Variants in FMN2 observed in about 807,000 individuals in gnomAD.
FMN2 encodes formin-2.
In FMN2, 51 loss-of-function variants were observed where a neutral mutation model predicts 142.3. The ratio of observed to expected loss-of-function variants is 0.36; its 90% CI spans 0.29 to 0.45. The LOEUF is 0.45. Ranked by LOEUF, FMN2 falls within the 20% of genes least tolerant of loss-of-function variation. The probability of loss-of-function intolerance (pLI) is 1.00; values close to 1 mark genes in which losing one functional copy is unlikely to be tolerated. For synonymous variants in FMN2, 882 were observed against 869.8 expected (o/e 1.01, Z -0.25); for missense variants, 1,936 against 2,122.8 (o/e 0.91, Z 1.73).
At chr1:240,107,103 G>A (rs1661643971) in intron 1 of FMN2, among the ~76,000 whole-genome samples, 1 of 151,830 alleles carries the variant, frequency 6.6e-6, no homozygotes, top group African/African-American at 2.4e-5. Flanking sequence ...TGTTCAGGAT[G>A]AAGGAGCTAG....
At chr1:240,255,106 C>A (rs1010794183) in intron 6 of FMN2, among the ~76,000 whole-genome samples, 1 of 152,134 alleles carries the variant, frequency 6.6e-6, no homozygotes, top group Non-Finnish European at 1.5e-5. Flanking sequence ...CTTAACTTTA[C>A]CACATGAGGG....
chr1:240,388,874 A>AG (rs1468401500), intron 14 of FMN2, among the ~76,000 whole-genome samples: 2 of 148,688 alleles, frequency 1.3e-5, no homozygotes, highest in African/African-American at 5.1e-5. Context: ...AAAAAAAAAA[A>AG]AAAGGGGGGG....
At chr1:240,271,714 G>A (rs1263524969) in intron 7 of FMN2, among the ~76,000 whole-genome samples, 1 of 152,020 alleles carries the variant, frequency 6.6e-6, no homozygotes, top group Non-Finnish European at 1.5e-5. Context: ...GTGGAGAAAA[G>A]TACATGTGAG....
chr1:240,206,749 C>T (rs368085142), intron 4 of FMN2, 50 bp from the exon 5 acceptor site: 15 of 1,549,844 alleles, frequency 9.7e-6, no homozygotes, highest in Admixed American at 2.0e-5. Context: ...TTGCTATTTG[C>T]ATTTTTCCTT....
At chr1:240,137,353 A>T (rs1202344792) in intron 2 of FMN2, among the ~76,000 whole-genome samples, 1 of 152,144 alleles carries the variant, frequency 6.6e-6, no homozygotes, top group East Asian at 1.9e-4. Flanking sequence ...TGCCTGTCAC[A>T]ACTACTCAAG....
At chr1:240,245,907 A>G (rs7550411) in intron 6 of FMN2, among the ~76,000 whole-genome samples, 108,754 of 151,752 alleles carry the variant, frequency 0.72, 39,988 homozygotes, top group African/African-American at 0.88. Flanking sequence ...CCAGCCAGGC[A>G]CAGTGGCTTA....
chr1:240,118,507 T>G (rs1300902280), intron 1 of FMN2, among the ~76,000 whole-genome samples: 1 of 152,166 alleles, frequency 6.6e-6, no homozygotes, highest in Non-Finnish European at 1.5e-5. Context: ...CCCCCCTTCC[T>G]CGTTGTTGCT....
At chr1:240,217,979 A>G (rs1666966637) in intron 6 of FMN2, among the ~76,000 whole-genome samples, 1 of 152,132 alleles carries the variant, frequency 6.6e-6, no homozygotes, top group South Asian at 2.1e-4. Context: ...TTTTATATTT[A>G]TATACCACGG....
chr1:240,366,939 G>A (rs1162639740), intron 14 of FMN2, among the ~76,000 whole-genome samples: 1 of 152,110 alleles, frequency 6.6e-6, no homozygotes, highest in African/African-American at 2.4e-5. Flanking sequence ...CCCTTTTTGT[G>A]TTGCAAACCT....
chr1:240,453,803 C>T lies in FMN2; in HGVS notation c.5060+15593C>T, dbSNP rs1384660259. 1.7e-4 allele frequency among the ~76,000 whole-genome samples: 3 copies of T among 18,010 alleles called. 1 individual carries two copies. The highest frequency in any genetic ancestry group is 4.5e-4 in the African/African-American group (3 of 6,738). 11.8% of individuals were successfully genotyped at this position (18,010 alleles called of 152,430 possible). A position where few individuals can be genotyped will look rare whatever the true frequency, so the allele number is the denominator to read the frequency against. On this transcript the variant is annotated intron_variant, in intron 16 of 17. Coordinates refer to ENST00000319653, the MANE Select transcript of FMN2 (RefSeq NM_020066.5). ...AGGAGATCGAGACCATCCTGGCTAA[C>T]AAGGTGAAACCCCGTCTCTACTAAA... is the stretch of plus-strand genomic sequence containing the variant.
chr1:240,265,553 C>T (rs1268637701), intron 7 of FMN2, among the ~76,000 whole-genome samples: 4 of 152,110 alleles, frequency 2.6e-5, no homozygotes, highest in Non-Finnish European at 5.9e-5. Flanking sequence ...ACTGAGTCAG[C>T]TGGCACCTTG....
intron 1 of FMN2, among the ~76,000 whole-genome samples, chr1:240,101,178 G>C (rs539884892): frequency 3.1e-4 from 47 of 152,120 alleles, no homozygotes; most frequent in Non-Finnish European, 5.0e-4. Flanking sequence ...TAATACCCTG[G>C]CTTCCCAGAT....
chr1:240,282,133 C>T lies in FMN2; in HGVS notation c.4154-12689C>T, dbSNP rs191760690. ...TGTTTTCCACACAATAGAGGAGTTA[C>T]CTCTAATCTTTATAATATCCATTTA... is the stretch of plus-strand genomic sequence containing the variant. On this transcript the variant is annotated intron_variant, in intron 7 of 17. Coordinates refer to ENST00000319653, the MANE Select transcript of FMN2 (RefSeq NM_020066.5). Among the ~76,000 whole-genome samples the T allele has an allele frequency of 6.6e-5, 10 of 152,242 alleles. No individual in the cohort carries two copies. In the East Asian group the frequency reaches 1.5e-3, roughly 24 times the overall value.
chr1:240,346,868 T>G (rs898941151), intron 13 of FMN2, among the ~76,000 whole-genome samples: 1 of 152,106 alleles, frequency 6.6e-6, no homozygotes, highest in African/African-American at 2.4e-5. Context: ...CATAAGAAAT[T>G]TAAAGAACAA....
intron 14 of FMN2, among the ~76,000 whole-genome samples, chr1:240,376,411 TCC>T (rs1673044605): frequency 6.6e-6 from 1 of 152,076 alleles, no homozygotes; most frequent in Admixed American, 6.5e-5. Context: ...TTTTTTTCTT[TCC>T]CTTTTTTCTT....
Position 240,208,050 on chromosome 1 carries a change from C to G in FMN2, c.3238C>G (p.Leu1080Val). 4 of 524,106 alleles carry G rather than the reference C, an allele frequency of 7.6e-6. No homozygotes were observed. The highest frequency in any genetic ancestry group is 4.9e-4 in the Middle Eastern group (1 of 2,030). The allele number at this position is 524,106 out of a possible 1,614,324, so 32.5% of individuals were successfully genotyped here. ...PGAGIPPPPPLPGAGIPPPPP... is the reference protein window; with the variant it reads ...PGAGIPPPPPVPGAGIPPPPP... ...AGCGGGCATACCCCCTCCGCCCCCA[C>G]TTCCCGGAGCGGGCATACCCCCACC... The change falls in exon 5 of 18, where the codon CTT (leucine) becomes GTT (valine). Residue 1080 changes from leucine to valine, a missense_variant. Around this residue, in one of 8 missense-constraint regions of FMN2, gnomAD observed 56 missense variants for 111.8 expected, o/e 0.50. Coordinates refer to ENST00000319653, the MANE Select transcript of FMN2 (RefSeq NM_020066.5).
At chr1:240,256,480 T>C (rs557189696) in intron 6 of FMN2, among the ~76,000 whole-genome samples, 26 of 151,964 alleles carry the variant, frequency 1.7e-4, no homozygotes, top group African/African-American at 6.3e-4. Context: ...GGTTTATGCC[T>C]GTTATTTCAA....
intron 16 of FMN2, among the ~76,000 whole-genome samples, chr1:240,445,156 G>A (rs1675762130): frequency 6.6e-6 from 1 of 152,180 alleles, no homozygotes; most frequent in Non-Finnish European, 1.5e-5. Context: ...AGATTTAGCT[G>A]TATTCATGAA....
At chr1:240,438,716 A>G (rs1675495164) in intron 16 of FMN2, among the ~76,000 whole-genome samples, 1 of 152,196 alleles carries the variant, frequency 6.6e-6, no homozygotes, top group South Asian at 2.1e-4. Flanking sequence ...ATACCTTCTA[A>G]AATAAATCTT....
Sources: allele counts gnomAD v4.1 joint callset (sites outside exome capture counted in the v4.1 genomes callset), GRCh38; gene constraint gnomAD v4.1.1; regional missense constraint gnomAD v4.1.1; transcripts MANE v1.5; gene names NCBI Gene and HGNC (gene_info 2026-07-23, HGNC 2026-07-21).